The following RNF169 variants were observed in gnomAD, a reference collection of about 807,000 sequenced individuals.
RNF169 encodes the protein E3 ubiquitin-protein ligase RNF169.
Under a neutral mutation model 53.9 loss-of-function variants are expected in RNF169, and 24 were observed. The ratio of observed to expected loss-of-function variants is 0.45; its 90% CI spans 0.32 to 0.63. RNF169 has a LOEUF of 0.63. Among genes scored for constraint, RNF169 ranks in the 20% least tolerant of loss-of-function variants. RNF169 has a pLI of 0.04. For synonymous variants in RNF169, 396 were observed against 363.5 expected, an observed-to-expected ratio of 1.09 and a Z score of -1.02; for missense variants, 883 against 906.2, an observed-to-expected ratio of 0.97 and a Z score of 0.33.
chr11:74,769,682 G>C (rs1203040486), intron 1 of RNF169, among the ~76,000 whole-genome samples: 2 of 152,166 alleles, frequency 1.3e-5, no homozygotes, highest in East Asian at 3.8e-4. Context: ...AAAAGGAAAA[G>C]TTGCAAAAGA....
At chr11:74,802,344 TA>T (rs1467140742) in intron 2 of RNF169, among the ~76,000 whole-genome samples, 2 of 152,198 alleles carry the variant, frequency 1.3e-5, no homozygotes, top group African/African-American at 4.8e-5. Flanking sequence ...AAGGACCTTT[TA>T]TAAAAATCAG....
At chr11:74,763,836 C>G (rs1328450700) in intron 1 of RNF169, among the ~76,000 whole-genome samples, 1 of 152,068 alleles carries the variant, frequency 6.6e-6, no homozygotes, top group African/African-American at 2.4e-5. Context: ...CTCATGAGGC[C>G]CTAGCAAGAG....
chr11:74,801,140 T>C (rs2035723549), intron 2 of RNF169, among the ~76,000 whole-genome samples: 1 of 152,228 alleles, frequency 6.6e-6, no homozygotes, highest in Non-Finnish European at 1.5e-5. Flanking sequence ...GTATCATAAA[T>C]GTGATTTCTT....
chr11:74,835,884 T>G lies in RNF169; in HGVS notation c.1281T>G (p.Ser427Arg). The G allele has an allele frequency of 6.2e-7, 1 of 1,614,138 alleles. No individual in the cohort carries two copies. The highest frequency in any genetic ancestry group is 8.5e-7 in the Non-Finnish European group (1 of 1,180,028). Residue 427 changes from serine (S) to arginine (R), a missense_variant, in exon 6 of 6, where the codon AGT becomes AGG. Physicochemically the swap from Ser to Arg is moderately radical, Grantham distance 110. Transcript: ENST00000299563. ...SLQKQTSYEA[S>R]PRILKKWEQI... ...AGAAGCAGACTTCTTATGAGGCCAG[T>G]CCACGGATCCTCAAAAAGTGGGAAC...
intron 4 of RNF169, among the ~76,000 whole-genome samples, chr11:74,828,197 C>T (rs2036127146): frequency 1.3e-5 from 2 of 151,966 alleles, no homozygotes; most frequent in South Asian, 2.1e-4. Flanking sequence ...TAGCAGGTAA[C>T]CAGAGAGCCA....
At chr11:74,810,741 G>A (rs2035864002) in intron 3 of RNF169, among the ~76,000 whole-genome samples, 1 of 152,160 alleles carries the variant, frequency 6.6e-6, no homozygotes, top group African/African-American at 2.4e-5. Context: ...AAGCAGCACA[G>A]TGTAGATATA....
chr11:74,798,886 C>CA (rs2035688314), intron 2 of RNF169, among the ~76,000 whole-genome samples: 1 of 151,802 alleles, frequency 6.6e-6, no homozygotes, highest in Non-Finnish European at 1.5e-5. Flanking sequence ...CTCGTCACTA[C>CA]AAAAAATTTT....
intron 3 of RNF169, among the ~76,000 whole-genome samples, chr11:74,812,427 T>C (rs1455075018): frequency 6.6e-6 from 1 of 152,138 alleles, no homozygotes; most frequent in African/African-American, 2.4e-5. Flanking sequence ...CCCAAGTAGG[T>C]GGGACCACAG....
intron 1 of RNF169, among the ~76,000 whole-genome samples, chr11:74,774,814 C>T (rs934556957): frequency 5.9e-5 from 9 of 152,176 alleles, no homozygotes; most frequent in Middle Eastern, 3.4e-3. Flanking sequence ...ACAAAATTAG[C>T]CAGGCATGGT....
chr11:74,754,527 AT>A (rs1402211137), intron 1 of RNF169, among the ~76,000 whole-genome samples: 15 of 152,178 alleles, frequency 9.9e-5, no homozygotes, highest in African/African-American at 3.6e-4. Context: ...CTTTTCAGAA[AT>A]TGAATAGATA....
At chr11:74,834,599 A>G (rs772317939) in intron 4 of RNF169, 77 bp from the exon 5 acceptor site, 31 of 1,016,874 alleles carry the variant, frequency 3.0e-5, no homozygotes, top group Non-Finnish European at 4.4e-5. Flanking sequence ...TAGAAAGCAA[A>G]AAGATATTGT....
In RNF169 at chr11:74,839,654, G is replaced by A. The variant is rs757269006; in HGVS notation, c.*2924G>A. The A allele has an allele frequency of 3.9e-5, 6 of 152,186 alleles. No homozygotes were observed. Among genetic ancestry groups the A allele is most frequent in the Non-Finnish European group, 7.3e-5 (5 of 68,044 alleles). 9.4% of individuals were successfully genotyped at this position (152,186 alleles called of 1,614,324 possible). On this transcript the variant is annotated 3_prime_UTR_variant, in exon 6 of 6. Coordinates refer to ENST00000299563, the MANE Select transcript of RNF169 (RefSeq NM_001098638.2). ...TTTTTATTATTAAAGGGGAAGTTAG[G>A]GGGGAGGGTGAAGGTCAGTCTGAGG...
chr11:74,791,122 C>T (rs893776193), intron 2 of RNF169, among the ~76,000 whole-genome samples: 1 of 152,208 alleles, frequency 6.6e-6, no homozygotes, highest in Non-Finnish European at 1.5e-5. Context: ...CTGCTTTCCA[C>T]AGGCAGGTCG....
chr11:74,773,880 A>G (rs2035292511), intron 1 of RNF169, among the ~76,000 whole-genome samples: 1 of 152,214 alleles, frequency 6.6e-6, no homozygotes, highest in African/African-American at 2.4e-5. Flanking sequence ...TGATATGTGT[A>G]AACTGCTTAT....
At chr11:74,783,617 G>A (rs1402335269) in intron 1 of RNF169, among the ~76,000 whole-genome samples, 1 of 152,192 alleles carries the variant, frequency 6.6e-6, no homozygotes, top group Non-Finnish European at 1.5e-5. Context: ...AAAGCTGGTA[G>A]AAGGATTGGT....
rs1340531167 is a variant in RNF169 at position 74,836,839 on chromosome 11, A to C, written c.*109A>C. ...TTATTTTAATGGCAAAACACTGTCT[A>C]ATATGGTTCTGAGAGGTTCCAGGGC... On this transcript the variant is annotated 3_prime_UTR_variant, in exon 6 of 6. Coordinates refer to ENST00000299563, the MANE Select transcript of RNF169 (RefSeq NM_001098638.2). The C allele has an allele frequency of 1.2e-6, 1 of 832,058 alleles. No individual in the cohort carries two copies. The highest frequency in any genetic ancestry group is 1.7e-5 in the African/African-American group (1 of 58,218). The allele number at this position is 832,058 out of a possible 1,614,324, so 51.5% of individuals were successfully genotyped here.
chr11:74,784,546 T>C (rs2035461218), intron 1 of RNF169, among the ~76,000 whole-genome samples: 1 of 152,232 alleles, frequency 6.6e-6, no homozygotes, highest in South Asian at 2.1e-4. Flanking sequence ...CAAGGTGTGC[T>C]TAATACCCTA....
chr11:74,834,795 C>T lies in RNF169; in HGVS notation c.942+20C>T, dbSNP rs751795432. 9.6e-6 allele frequency: 15 copies of T among 1,566,268 alleles called. No individual in the cohort carries two copies. The highest frequency in any genetic ancestry group is 1.3e-5 in the Non-Finnish European group (15 of 1,141,442). ...GCCAAGGTACACCTCAGCCACAGAC[C>T]TCCGGGGCTTGTGAGGCTTGCCCCA... On this transcript the variant is annotated intron_variant, in intron 5 of 5. Coordinates refer to ENST00000299563, the MANE Select transcript of RNF169 (RefSeq NM_001098638.2).
intron 1 of RNF169, among the ~76,000 whole-genome samples, chr11:74,788,964 T>G (rs2035543801): frequency 6.6e-6 from 1 of 152,214 alleles, no homozygotes; most frequent in Non-Finnish European, 1.5e-5. Flanking sequence ...TCTTGATTCC[T>G]GTTAAAGCTT....
Sources: allele counts gnomAD v4.1 joint callset (sites outside exome capture counted in the v4.1 genomes callset), GRCh38; gene constraint gnomAD v4.1.1; transcripts MANE v1.5; gene names NCBI Gene and HGNC (gene_info 2026-07-23, HGNC 2026-07-21).